Variants in HSF1 observed in about 807,000 individuals in gnomAD.
HSF1 encodes the protein heat shock transcription factor 1, also known as heat shock factor protein 1.
A neutral mutation model predicts 51.7 loss-of-function variants in HSF1; 32 were observed. That is an observed-to-expected ratio of 0.62 (90% CI 0.47 to 0.83). The LOEUF is 0.83. Ranked by LOEUF, HSF1 falls within the 40% of genes least tolerant of loss-of-function variation. The probability of loss-of-function intolerance (pLI) is 0.00; values close to 1 mark genes in which losing one functional copy is unlikely to be tolerated. For missense variants in HSF1, 727 were observed against 717.0 expected, an observed-to-expected ratio of 1.01 and a Z score of -0.16; for synonymous variants, 396 against 309.7, an observed-to-expected ratio of 1.28 and a Z score of -2.92.
At chr8:144,303,943 C>T (rs539074341) in intron 1 of HSF1, among the ~76,000 whole-genome samples, 7 of 152,142 alleles carry the variant, frequency 4.6e-5, no homozygotes, top group Non-Finnish European at 1.0e-4. Context: ...GGAGGGTGAT[C>T]AGAGACCTGG....
intron 1 of HSF1, among the ~76,000 whole-genome samples, chr8:144,307,956 T>C (rs1816332039): frequency 6.6e-6 from 1 of 152,280 alleles, no homozygotes; most frequent in Non-Finnish European, 1.5e-5. Context: ...GTCCTTTCCG[T>C]GACCGTTTCC....
At chr8:144,302,311 A>G (rs547730111) in intron 1 of HSF1, among the ~76,000 whole-genome samples, 10 of 151,052 alleles carry the variant, frequency 6.6e-5, no homozygotes, top group African/African-American at 2.2e-4. Flanking sequence ...ATTCAAAAGC[A>G]GCCTGGCCAA....
At position 144,314,103 on chromosome 8, in the gene HSF1, C is replaced by T. The variant is rs1481765429; in HGVS notation, c.1385-22C>T. The stretch of plus-strand genomic sequence containing the variant: ...ACCTCTGCCCCCAACCCCCCACCGC[C>T]TTGACACCCCCACCCCCGCAGGGAA... On this transcript the variant is annotated intron_variant, in intron 12 of 12. Coordinates refer to ENST00000528838, the MANE Select transcript of HSF1 (RefSeq NM_005526.4). 4 of 1,534,710 alleles carry T rather than the reference C, an allele frequency of 2.6e-6. No individual in the cohort carries two copies. In the African/African-American group the frequency reaches 4.1e-5, roughly 16 times the overall value.
rs1421595944 is a variant in HSF1, at chr8:144,296,173, G to A, written c.117+4299G>A. Among the ~76,000 whole-genome samples, 3 of 152,250 alleles carry A rather than the reference G, an allele frequency of 2.0e-5. No individual in the cohort carries two copies. In the East Asian group the frequency reaches 5.8e-4, roughly 29 times the overall value. On this transcript the variant is annotated intron_variant, in intron 1 of 12. Transcript: ENST00000528838. The stretch of plus-strand genomic sequence containing the variant: ...GTCCCTGCAGTGAGGCAGGGGGCAG[G>A]GCCTGAGGGGTCCCTGAAGTAAGGC...
At position 144,312,162 on chromosome 8, in the gene HSF1, C is replaced by CA. The variant is rs1816714844; in HGVS notation, c.1061dup (p.His354GlnfsTer18). The CA allele has an allele frequency of 6.2e-7, 1 of 1,610,098 alleles. No individual in the cohort carries two copies. The highest frequency in any genetic ancestry group is 8.5e-7 in the Non-Finnish European group (1 of 1,178,670). ...CACAGCCCTCACGGACGCCAGGGGC[C>CA]ACACGGACACCGAGGGCCGGCCTCC... On this transcript the variant is annotated frameshift_variant, in exon 9 of 13. Coordinates refer to ENST00000528838, the MANE Select transcript of HSF1 (RefSeq NM_005526.4). LOFTEE classifies it high-confidence loss of function.
rs2130425489 is a variant in HSF1 at position 144,309,452 on chromosome 8, C to T, written c.227-3C>T. On this transcript the variant is annotated splice_region_variant and splice_polypyrimidine_tract_variant and intron_variant, in intron 2 of 12. Transcript: ENST00000528838. ...GAGCTGCCCCCTTCCCTGTTATGTG[C>T]AGATGGCTTCCGGAAAGTGGTCCAC... is the stretch of plus-strand genomic sequence containing the variant. 6.2e-7 allele frequency: 1 copy of T among 1,613,918 alleles called. No individual in the cohort carries two copies. The highest frequency in any genetic ancestry group is 8.5e-7 in the Non-Finnish European group (1 of 1,179,976).
At chr8:144,305,920 C>T (rs903253257) in intron 1 of HSF1, among the ~76,000 whole-genome samples, 9 of 151,298 alleles carry the variant, frequency 5.9e-5, no homozygotes, top group Non-Finnish European at 7.4e-5. Context: ...TTAGTAGAGA[C>T]GGGGTTTCTC....
intron 1 of HSF1, among the ~76,000 whole-genome samples, chr8:144,294,610 C>T (rs143283794): frequency 4.6e-3 from 695 of 152,376 alleles, no homozygotes; most frequent in Middle Eastern, 0.017. Context: ...GGAATGGGAC[C>T]AGGTCTGGAC....
Position 144,291,754 on chromosome 8 carries a change from C to T in HSF1, c.-4C>T, listed in dbSNP as rs1554840373. On this transcript the variant is annotated 5_prime_UTR_variant, in exon 1 of 13. Coordinates refer to ENST00000528838, the MANE Select transcript of HSF1 (RefSeq NM_005526.4). This position sits in a 1 kb window ranked among gnomAD's most constrained non-coding sequence, Gnocchi z 4.1. Reference sequence around the variant, plus strand: ...TCCCTCCGCCTATTCCCTCCTTGCTCGAGATGGATCTGCCCGTGGGCCCCG... The same window carrying T: ...TCCCTCCGCCTATTCCCTCCTTGCTTGAGATGGATCTGCCCGTGGGCCCCG... 5.4e-6 allele frequency: 8 copies of T among 1,494,764 alleles called. No homozygotes were observed. Among genetic ancestry groups the T allele is most frequent in the African/African-American group, 2.9e-5 (2 of 68,410 alleles). The allele number at this position is 1,494,764 out of a possible 1,614,324, so 92.6% of individuals were successfully genotyped here.
chr8:144,311,780 C>T lies in HSF1; in HGVS notation c.804C>T (p.Ile268=). ...GCTCTGGACCCATCATCTCCGACAT[C>T]ACCGAGCTGGCTCCTGCCAGCCCCA... ...VASSGPIISD[I]TELAPASPMA... is the part of the protein sequence containing the mutation. The change falls in exon 8 of 13, where the codon ATC becomes ATT. Residue 268 remains isoleucine (I), a synonymous_variant. Coordinates refer to ENST00000528838, the MANE Select transcript of HSF1 (RefSeq NM_005526.4). 6.2e-7 allele frequency: 1 copy of T among 1,612,690 alleles called. No homozygotes were observed. The highest frequency in any genetic ancestry group is 1.7e-5 in the Admixed American group (1 of 59,994).
At chr8:144,293,017 G>A (rs1406507027) in intron 1 of HSF1, among the ~76,000 whole-genome samples, 2 of 152,184 alleles carry the variant, frequency 1.3e-5, no homozygotes, top group East Asian at 1.9e-4. Context: ...CACCGTGACC[G>A]GCAGGGTGCC....
rs1554841528 is a variant in HSF1, at chr8:144,297,664, C to T, written c.117+5790C>T. On this transcript the variant is annotated intron_variant, in intron 1 of 12. Transcript: ENST00000528838. The surrounding 1 kb of genome is among the most constrained non-coding windows in gnomAD (Gnocchi z 4.6). ...CACGTGGGCCACAGCTACTCACACA[C>T]GCGCTCCCTTTGCTCCTAAAGCCTA... Among the ~76,000 whole-genome samples the T allele has an allele frequency of 6.6e-6, 1 of 152,158 alleles. No homozygotes were observed. The highest frequency in any genetic ancestry group is 1.5e-5 in the Non-Finnish European group (1 of 68,034).
intron 1 of HSF1, among the ~76,000 whole-genome samples, chr8:144,300,120 G>A (rs2130353944): frequency 6.6e-6 from 1 of 152,090 alleles, no homozygotes; most frequent in African/African-American, 2.4e-5. Context: ...GAAGCAGGAG[G>A]AGCAGCTTTC....
rs200339075 is a variant in HSF1 at position 144,311,584 on chromosome 8, G to C, written c.706G>C (p.Gly236Arg). ...SRQFSLEHVH[G>R]SGPYSAPSPA... Reference sequence around the variant, plus strand: ...GCAGTTCTCCCTGGAGCACGTCCACGGCTCGGGCCCCTACTCGGTGAGTGC... The same window carrying C: ...GCAGTTCTCCCTGGAGCACGTCCACCGCTCGGGCCCCTACTCGGTGAGTGC... The change falls in exon 7 of 13, where the codon GGC becomes CGC. Residue 236 changes from glycine to arginine, a missense_variant. This residue lies in a region of HSF1 where 257 missense variants were observed against 318.3 expected (regional missense o/e 0.81). Coordinates refer to ENST00000528838, the MANE Select transcript of HSF1 (RefSeq NM_005526.4). The C allele has an allele frequency of 3.1e-6, 5 of 1,613,450 alleles. No individual in the cohort carries two copies. Among genetic ancestry groups the C allele is most frequent in the Admixed American group, 3.3e-5 (2 of 59,998 alleles).
Position 144,311,740 on chromosome 8 carries a change from CT to C in HSF1, c.765del (p.Asp256MetfsTer29). ...PAYSSSSLYA[P>X]DAVASSGPII... ...TACAGCAGCTCCAGCCTCTACGCCCCTGATGCTGTGGCCAGCTCTGGACCCA... is the reference window on the plus strand; with the variant it reads ...TACAGCAGCTCCAGCCTCTACGCCCCGATGCTGTGGCCAGCTCTGGACCCA... On this transcript the variant is annotated frameshift_variant, in exon 8 of 13. Transcript: ENST00000528838. LOFTEE classifies it high-confidence loss of function. 1 of 1,612,970 alleles carries C rather than the reference CT, an allele frequency of 6.2e-7. No individual in the cohort carries two copies. The highest frequency in any genetic ancestry group is 8.5e-7 in the Non-Finnish European group (1 of 1,179,774).
chr8:144,294,530 T>A (rs1320624672), intron 1 of HSF1, among the ~76,000 whole-genome samples: 4 of 152,176 alleles, frequency 2.6e-5, no homozygotes, highest in Non-Finnish European at 5.9e-5. Flanking sequence ...GGTGACTAAC[T>A]CTCAAGGCTG....
In HSF1 at chr8:144,314,618, C is replaced by T. The variant is rs994363386; in HGVS notation, c.*288C>T. On this transcript the variant is annotated 3_prime_UTR_variant, in exon 13 of 13. Coordinates refer to ENST00000528838, the MANE Select transcript of HSF1 (RefSeq NM_005526.4). ...GTCAGAATTGTATTTTGGATTTTTA[C>T]ACAACTGTCCCGTTCCCCGCTCCAC... 1.2e-5 allele frequency: 6 copies of T among 494,976 alleles called. No homozygotes were observed. The highest frequency in any genetic ancestry group is 1.1e-4 in the African/African-American group (6 of 52,280). 30.7% of individuals were successfully genotyped at this position (494,976 alleles called of 1,614,324 possible). A position where few individuals can be genotyped will look rare whatever the true frequency, so the allele number is the denominator to read the frequency against.
At chr8:144,298,635 G>C (rs1815649898) in intron 1 of HSF1, among the ~76,000 whole-genome samples, 1 of 151,940 alleles carries the variant, frequency 6.6e-6, no homozygotes, top group Non-Finnish European at 1.5e-5. Context: ...AAACCGGCGA[G>C]GACTGAGGTA....
At position 144,314,367 on chromosome 8, in the gene HSF1, C is replaced by T. The variant is rs1554846284; in HGVS notation, c.*37C>T. On this transcript the variant is annotated 3_prime_UTR_variant, in exon 13 of 13. Transcript: ENST00000528838. ...GAGCTGGGCCAGCCGCCCACCCCCA[C>T]CCCCAGTGCAGGGCTGGTCTTGGGG... is the stretch of plus-strand genomic sequence containing the variant. 2 of 1,514,516 alleles carry T rather than the reference C, an allele frequency of 1.3e-6. No individual in the cohort carries two copies. Among genetic ancestry groups the T allele is most frequent in the Non-Finnish European group, 1.8e-6 (2 of 1,116,780 alleles). The allele number at this position is 1,514,516 out of a possible 1,614,324, so 93.8% of individuals were successfully genotyped here. A position where few individuals can be genotyped will look rare whatever the true frequency, so the allele number is the denominator to read the frequency against.
Sources: allele counts gnomAD v4.1 joint callset (sites outside exome capture counted in the v4.1 genomes callset), GRCh38; gene constraint gnomAD v4.1.1; regional missense constraint gnomAD v4.1.1; non-coding constraint Gnocchi (gnomAD v3.1); transcripts MANE v1.5; gene names NCBI Gene and HGNC (gene_info 2026-07-23, HGNC 2026-07-21).